Variants in C5 observed in about 807,000 individuals in gnomAD.
C5 encodes the protein complement C5.
A neutral mutation model predicts 218.8 loss-of-function variants in C5; 140 were observed. The observed-to-expected ratio is 0.64, with a 90% CI of 0.56 to 0.74. The LOEUF is 0.74. Among genes scored for constraint, C5 ranks in the 30% least tolerant of loss-of-function variants. The probability of loss-of-function intolerance (pLI) is 0.00; values close to 1 mark genes in which losing one functional copy is unlikely to be tolerated. For missense variants in C5, 1,700 were observed against 1,969.6 expected (o/e 0.86, Z 2.59); for synonymous variants, 614 against 682.3 (o/e 0.90, Z 1.56).
intron 22 of C5, among the ~76,000 whole-genome samples, chr9:120,994,909 A>C (rs10818495): frequency 0.48 from 71,016 of 149,442 alleles, 18,193 homozygotes; most frequent in South Asian, 0.72. Context: ...TCAGCAGAAG[A>C]AGCATCTGTG....
At chr9:121,012,056 C>T (rs1228131300) in intron 17 of C5, among the ~76,000 whole-genome samples, 1 of 152,008 alleles carries the variant, frequency 6.6e-6, no homozygotes, top group Non-Finnish European at 1.5e-5. Flanking sequence ...GACAGCACAA[C>T]AGGGTGACTA....
intron 3 of C5, among the ~76,000 whole-genome samples, chr9:121,039,192 C>T (rs2047555638): frequency 6.6e-6 from 1 of 152,162 alleles, no homozygotes. Flanking sequence ...CTGACACATA[C>T]TAAGTAATCA....
chr9:121,006,161 TAATATTAGATCATGTTTTTCTCTGAACTC>T (rs2047214140), intron 19 of C5, 103 bp from the exon 20 acceptor site: 1 of 1,089,250 alleles, frequency 9.2e-7, no homozygotes, highest in Non-Finnish European at 1.4e-6. Context: ...AAGGAAAAAA[TAATATTAGATCATGTTTTTCTCTGAACTC>T]TCAACTCATG....
chr9:121,072,334 T>G, the C5 span, among the ~76,000 whole-genome samples: 1 of 152,116 alleles, frequency 6.6e-6, no homozygotes, highest in Non-Finnish European at 1.5e-5. Context: ...TGATAATGGA[T>G]CCCACGTGAA....
chr9:121,072,314 C>T, the C5 span, among the ~76,000 whole-genome samples: 1 of 152,142 alleles, frequency 6.6e-6, no homozygotes, highest in Admixed American at 6.6e-5. Flanking sequence ...TACATCAGCA[C>T]ACCACGGCTT....
At chr9:121,050,124 CTCT>C in intron 1 of C5, 55 bp downstream of exon 1, 1 of 1,316,980 alleles carries the variant, frequency 7.6e-7, no homozygotes, top group Non-Finnish European at 1.1e-6. Context: ...TTAAATTTAA[CTCT>C]TCATTCGTCA....
intron 1 of C5, among the ~76,000 whole-genome samples, chr9:121,048,728 A>C (rs1459469645): frequency 2.1e-5 from 3 of 139,746 alleles, no homozygotes; most frequent in Non-Finnish European, 4.6e-5. Flanking sequence ...ATAATTTCAT[A>C]GTTTTCTTTG....
intron 3 of C5, among the ~76,000 whole-genome samples, chr9:121,041,449 C>T (rs1377216042): frequency 5.9e-5 from 9 of 151,804 alleles, no homozygotes; most frequent in Non-Finnish European, 8.8e-5. Flanking sequence ...GGATTACAGG[C>T]GCCTGCCACA....
intron 30 of C5, among the ~76,000 whole-genome samples, chr9:120,972,637 AG>A (rs981270149): frequency 6.6e-6 from 1 of 152,148 alleles, no homozygotes; most frequent in African/African-American, 2.4e-5. Flanking sequence ...ACATAAACGG[AG>A]TTAAGTCATT....
chr9:121,007,440 A>G (rs994510737), intron 18 of C5, among the ~76,000 whole-genome samples: 9 of 152,260 alleles, frequency 5.9e-5, no homozygotes, highest in African/African-American at 1.9e-4. Flanking sequence ...AACAGCACTG[A>G]TAAGATACAG....
the C5 span, among the ~76,000 whole-genome samples, chr9:121,074,304 T>C: frequency 6.6e-6 from 1 of 152,352 alleles, no homozygotes; most frequent in East Asian, 1.9e-4. Context: ...ATGCATGTCG[T>C]GAACGCCGTG....
intron 39 of C5, among the ~76,000 whole-genome samples, chr9:120,955,240 C>G (rs2046776301): frequency 6.6e-6 from 1 of 151,644 alleles, no homozygotes; most frequent in African/African-American, 2.4e-5. Context: ...AAAAATGGGC[C>G]CAGAATGAGG....
At chr9:121,011,764 T>G (rs2131748766) in intron 17 of C5, among the ~76,000 whole-genome samples, 1 of 152,256 alleles carries the variant, frequency 6.6e-6, no homozygotes, top group Non-Finnish European at 1.5e-5. Flanking sequence ...GAAAATGTGG[T>G]GCATATACAC....
chr9:121,044,829 T>C (rs190967852), intron 2 of C5, among the ~76,000 whole-genome samples: 164 of 152,320 alleles, frequency 1.1e-3, no homozygotes, highest in African/African-American at 3.8e-3. Flanking sequence ...GAAATGTTGC[T>C]AGTGCAACTG....
intron 23 of C5, among the ~76,000 whole-genome samples, chr9:120,990,263 G>C (rs941474222): frequency 6.6e-6 from 1 of 152,152 alleles, no homozygotes; most frequent in African/African-American, 2.4e-5. Flanking sequence ...TGTGATTCTA[G>C]GGTTTTATCT....
At position 121,017,402 on chromosome 9, in the gene C5, A is replaced by G. The variant is rs1478782760; in HGVS notation, c.1826T>C (p.Val609Ala). ...WVALAAVDSA[V>A]YGVQRGAKKP... ...TTTGGCTCCTCTTTGGACTCCATAC[A>G]CAGCACTGTCCACTGCTGCTAATGC... The change falls in exon 14 of 41, where the codon GTG becomes GCG. Residue 609 changes from valine to alanine, a missense_variant. Val to Ala is a moderately conservative substitution (Grantham distance 64). Transcript: ENST00000223642. The G allele has an allele frequency of 6.2e-7, 1 of 1,613,844 alleles. No homozygotes were observed. The highest frequency in any genetic ancestry group is 2.2e-5 in the East Asian group (1 of 44,892).
Position 120,997,735 on chromosome 9 carries a change from A to C in C5, c.2602T>G (p.Ser868Ala). The C allele has an allele frequency of 1.2e-6, 2 of 1,614,138 alleles. No individual in the cohort carries two copies. ...KMSAVEGICT[S>A]ESPVIDHQGT... Reference sequence around the variant, plus strand: ...TGATGATCAATGACTGGGCTTTCCGAAGTGCAGATTCCCTCCACAGCAGAC... The same window carrying C: ...TGATGATCAATGACTGGGCTTTCCGCAGTGCAGATTCCCTCCACAGCAGAC... Residue 868 changes from serine to alanine, a missense_variant, in exon 21 of 41, where the codon TCG becomes GCG. Physicochemically the swap from Ser to Ala is moderately conservative, Grantham distance 99 (BLOSUM62 1). Transcript: ENST00000223642.
chr9:121,064,727 ATAGAGT>A, the C5 span, among the ~76,000 whole-genome samples: 1 of 152,232 alleles, frequency 6.6e-6, no homozygotes, highest in African/African-American at 2.4e-5. Flanking sequence ...TTTTAAACAT[ATAGAGT>A]TAAACTTAAT....
intron 29 of C5, among the ~76,000 whole-genome samples, chr9:120,975,230 C>A (rs955304176): frequency 1.3e-5 from 2 of 152,198 alleles, no homozygotes; most frequent in Non-Finnish European, 2.9e-5. Flanking sequence ...AGTCTTTGAA[C>A]AATTATCTCT....
Sources: gnomAD v4.1 joint callset for allele counts (sites outside exome capture counted in the v4.1 genomes callset) on GRCh38, gnomAD v4.1.1 for gene constraint, MANE v1.5 for transcripts, NCBI Gene and HGNC (gene_info 2026-07-23, HGNC 2026-07-21) for gene names.